Variants in GRM5 observed in about 807,000 individuals in gnomAD.
GRM5 encodes the protein glutamate metabotropic receptor 5, also known as metabotropic glutamate receptor 5.
In GRM5, 19 loss-of-function variants were observed where a neutral mutation model predicts 83.1. The observed-to-expected ratio is 0.23, with a 90% CI of 0.16 to 0.34. The LOEUF is 0.34. GRM5 is among the 10% of genes least tolerant of loss of function. The pLI is 1.00. For synonymous variants in GRM5, 675 were observed against 633.6 expected, an observed-to-expected ratio of 1.07 and a Z score of -0.98; for missense variants, 1,160 against 1,588.3, an observed-to-expected ratio of 0.73 and a Z score of 4.58.
intron 3 of GRM5, among the ~76,000 whole-genome samples, chr11:88,804,514 C>T (rs1943462145): frequency 6.6e-6 from 1 of 151,522 alleles, no homozygotes; most frequent in Non-Finnish European, 1.5e-5. Context: ...GGAAGGGGAA[C>T]ATCACACTCT....
chr11:88,645,623 G>C (rs1456277731), intron 4 of GRM5, among the ~76,000 whole-genome samples: 1 of 152,116 alleles, frequency 6.6e-6, no homozygotes, highest in Non-Finnish European at 1.5e-5. Flanking sequence ...TGATCTTTAA[G>C]AATGGGAGTA....
intron 6 of GRM5, among the ~76,000 whole-genome samples, 153 bp from the exon 7 acceptor site, chr11:88,590,880 T>A (rs989978370): frequency 6.6e-6 from 1 of 152,212 alleles, no homozygotes; most frequent in African/African-American, 2.4e-5. Flanking sequence ...TAATATTAAT[T>A]TATAATTAAA....
intron 3 of GRM5, among the ~76,000 whole-genome samples, chr11:88,672,129 C>G (rs1486503326): frequency 6.6e-6 from 1 of 151,894 alleles, no homozygotes; most frequent in Admixed American, 6.6e-5. Context: ...TTGGCCATCA[C>G]TTTTTCAAAA....
At chr11:88,920,480 A>G (rs1452709759) in intron 2 of GRM5, among the ~76,000 whole-genome samples, 5 of 151,590 alleles carry the variant, frequency 3.3e-5, no homozygotes, top group African/African-American at 9.7e-5. Context: ...AAATTCTACC[A>G]AACACTTATG....
intron 3 of GRM5, among the ~76,000 whole-genome samples, chr11:88,808,793 C>T (rs553850183): frequency 1.3e-5 from 2 of 152,072 alleles, no homozygotes; most frequent in African/African-American, 4.8e-5. Context: ...GAATTCTGCT[C>T]GTTCCATGTT....
intron 3 of GRM5, among the ~76,000 whole-genome samples, chr11:88,701,243 T>G (rs1280353908): frequency 1.3e-5 from 2 of 152,138 alleles, no homozygotes; most frequent in East Asian, 3.9e-4. Context: ...GTTTTTACCA[T>G]GACAGGGAAG....
intron 2 of GRM5, among the ~76,000 whole-genome samples, chr11:89,004,227 A>C (rs1940464649): frequency 6.6e-6 from 1 of 152,240 alleles, no homozygotes; most frequent in Admixed American, 6.5e-5. Flanking sequence ...ATGATCTATT[A>C]TCCTCTATGA....
chr11:88,873,139 T>C (rs1944797481), intron 2 of GRM5, among the ~76,000 whole-genome samples: 3 of 150,870 alleles, frequency 2.0e-5, no homozygotes, highest in Non-Finnish European at 3.0e-5. Context: ...GATAAAAGAG[T>C]CAATAGAGCA....
Position 88,718,883 on chromosome 11 carries a change from A to AAAAG in GRM5, c.912-65484_912-65481dup, listed in dbSNP as rs1342736327. The stretch of plus-strand genomic sequence containing the variant: ...TTCTCAAAGAAGTCACAGATTCTGT[A>AAAAG]AAAGACTTCACTGAGAAATTGACTT... On this transcript the variant is annotated intron_variant, in intron 3 of 9. Transcript: ENST00000305447. Among the ~76,000 whole-genome samples, 5 of 151,988 alleles carry AAAAG rather than the reference A, an allele frequency of 3.3e-5. No homozygotes were observed. The East Asian group carries it at 7.7e-4, about 23-fold the overall frequency.
chr11:88,737,347 G>GTGTT (rs1485294901), intron 3 of GRM5, among the ~76,000 whole-genome samples: 2 of 152,010 alleles, frequency 1.3e-5, no homozygotes, highest in African/African-American at 4.8e-5. Context: ...GTCAAGAAGA[G>GTGTT]TGTTTTTTCT....
intron 4 of GRM5, among the ~76,000 whole-genome samples, chr11:88,648,655 A>T (rs992229129): frequency 1.5e-3 from 9 of 6,112 alleles, no homozygotes; most frequent in African/African-American, 2.0e-3. Flanking sequence ...AAGTATAATA[A>T]AAAAAAAAAA....
intron 2 of GRM5, among the ~76,000 whole-genome samples, chr11:89,000,335 G>A (rs1372491461): frequency 1.3e-5 from 2 of 152,096 alleles, no homozygotes; most frequent in African/African-American, 2.4e-5. Flanking sequence ...AATTACAATA[G>A]TCCACAATAT....
At chr11:88,943,167 C>T (rs1407307153) in intron 2 of GRM5, among the ~76,000 whole-genome samples, 1 of 152,072 alleles carries the variant, frequency 6.6e-6, no homozygotes, top group African/African-American at 2.4e-5. Flanking sequence ...ACTCTAAGAC[C>T]AACATTATGT....
intron 3 of GRM5, among the ~76,000 whole-genome samples, chr11:88,798,264 C>T (rs186663138): frequency 6.6e-6 from 1 of 152,182 alleles, no homozygotes; most frequent in Non-Finnish European, 1.5e-5. Context: ...TTCTCCCATC[C>T]TCTTCATTTG....
At chr11:88,739,158 A>ACCTT (rs1250619991) in intron 3 of GRM5, among the ~76,000 whole-genome samples, 3 of 152,154 alleles carry the variant, frequency 2.0e-5, no homozygotes, top group Admixed American at 1.3e-4. Flanking sequence ...GCTTTCTGTA[A>ACCTT]CCTTCGTAGA....
chr11:89,005,255 CCTT>C (rs747478070), intron 2 of GRM5, among the ~76,000 whole-genome samples: 14 of 152,120 alleles, frequency 9.2e-5, no homozygotes, highest in Non-Finnish European at 1.9e-4. Flanking sequence ...TTGAAAGACT[CCTT>C]ATTTAAGCAG....
Position 88,505,476 on chromosome 11 carries a change from T to C in GRM5, c.*3116A>G, listed in dbSNP as rs1409109406. The C allele has an allele frequency of 6.6e-6, 1 of 152,246 alleles. No homozygotes were observed. Among genetic ancestry groups the C allele is most frequent in the Non-Finnish European group, 1.5e-5 (1 of 68,038 alleles). 9.4% of individuals were successfully genotyped at this position (152,246 alleles called of 1,614,324 possible). Reference sequence around the variant, plus strand: ...GGTAACAGCAGTAGTTTGGGAAAGATAGTTACTTTCAAGGATTAGCACGTT... The same window carrying C: ...GGTAACAGCAGTAGTTTGGGAAAGACAGTTACTTTCAAGGATTAGCACGTT... On this transcript the variant is annotated 3_prime_UTR_variant, in exon 10 of 10. Transcript: ENST00000305447.
intron 8 of GRM5, among the ~76,000 whole-genome samples, chr11:88,552,121 C>A (rs1323577854): frequency 2.6e-5 from 4 of 151,486 alleles, no homozygotes; most frequent in African/African-American, 9.7e-5. Context: ...AACTCCTGGG[C>A]TCAAGTGATT....
chr11:89,029,345 A>G (rs186576137), intron 2 of GRM5, among the ~76,000 whole-genome samples: 211 of 152,352 alleles, frequency 1.4e-3, no homozygotes, highest in African/African-American at 4.9e-3. Flanking sequence ...TCAATATAAT[A>G]GGAAATAAGC....
Sources: allele counts gnomAD v4.1 joint callset (sites outside exome capture counted in the v4.1 genomes callset), GRCh38; gene constraint gnomAD v4.1.1; transcripts MANE v1.5; gene names NCBI Gene and HGNC (gene_info 2026-07-23, HGNC 2026-07-21).